The following SOBP variants were observed in gnomAD, a reference collection of about 807,000 sequenced individuals.
SOBP encodes the protein sine oculis-binding protein homolog.
Under a neutral mutation model 53.6 loss-of-function variants are expected in SOBP, and 4 were observed. The ratio of observed to expected loss-of-function variants is 0.07; its 90% CI spans 0.04 to 0.17. The LOEUF (loss-of-function observed/expected upper bound fraction) is 0.17. Ranked by LOEUF, SOBP falls within the 10% of genes least tolerant of loss-of-function variation. SOBP has a pLI of 1.00. For synonymous variants in SOBP, 584 were observed against 522.6 expected, an observed-to-expected ratio of 1.12 and a Z score of -1.60; for missense variants, 1,088 against 1,204.7, an observed-to-expected ratio of 0.90 and a Z score of 1.43.
chr6:107,490,738 G>A lies in SOBP; in HGVS notation c.96+26G>A, dbSNP rs1323472270. ...GTATTTTTTGATCTCGGGGGCCAGG[G>A]AGACTGAGCTCTTTCTTGCGCCCGC... is the stretch of plus-strand genomic sequence containing the variant. On this transcript the variant is annotated intron_variant, in intron 1 of 6. Transcript: ENST00000317357. The A allele has an allele frequency of 2.6e-6, 4 of 1,529,102 alleles. No homozygotes were observed. The Admixed American group carries it at 5.6e-5, about 21-fold the overall frequency. The allele number at this position is 1,529,102 out of a possible 1,614,324, so 94.7% of individuals were successfully genotyped here.
At position 107,490,579 on chromosome 6, in the gene SOBP, G is replaced by A. The variant is rs1782553269; in HGVS notation, c.-38G>A. ...GCCACCACCACCGCCGGCGGCGGCA[G>A]CAGCCATTTCATCTCCACAGAAACC... On this transcript the variant is annotated 5_prime_UTR_variant, in exon 1 of 7. Transcript: ENST00000317357. 2.6e-6 allele frequency: 4 copies of A among 1,511,948 alleles called. No homozygotes were observed. In the African/African-American group the frequency reaches 5.5e-5, roughly 21 times the overall value. 93.7% of individuals were successfully genotyped at this position (1,511,948 alleles called of 1,614,324 possible).
intron 4 of SOBP, among the ~76,000 whole-genome samples, chr6:107,586,053 C>G (rs1785556306): frequency 6.6e-6 from 1 of 152,218 alleles, no homozygotes; most frequent in Admixed American, 6.5e-5. Flanking sequence ...GAACTACCTG[C>G]TGCTTCCTGT....
chr6:107,658,373 A>G lies in SOBP; in HGVS notation c.*170A>G, dbSNP rs1022651126. 1 of 152,682 alleles carries G rather than the reference A, an allele frequency of 6.5e-6. No homozygotes were observed. Among genetic ancestry groups the G allele is most frequent in the Admixed American group, 6.5e-5 (1 of 15,282 alleles). The allele number at this position is 152,682 out of a possible 1,614,324, so 9.5% of individuals were successfully genotyped here. ...TCTCAGAGGAAGCAGCCCTCCCTCGATGGCCTCTAGCCCAGAGAAGCCCGC... is the reference window on the plus strand; with the variant it reads ...TCTCAGAGGAAGCAGCCCTCCCTCGGTGGCCTCTAGCCCAGAGAAGCCCGC... On this transcript the variant is annotated 3_prime_UTR_variant, in exon 7 of 7. Coordinates refer to ENST00000317357, the MANE Select transcript of SOBP (RefSeq NM_018013.4).
chr6:107,510,260 C>T (rs940190389), intron 3 of SOBP, among the ~76,000 whole-genome samples: 1 of 152,090 alleles, frequency 6.6e-6, no homozygotes, highest in Non-Finnish European at 1.5e-5. Context: ...GTGTGGCCCA[C>T]GGACATAATT....
chr6:107,508,315 A>G (rs993118751), intron 3 of SOBP, among the ~76,000 whole-genome samples: 8 of 152,170 alleles, frequency 5.3e-5, no homozygotes, highest in Non-Finnish European at 1.2e-4. Context: ...TCAGCCTGGC[A>G]CACCTGTAAT....
chr6:107,617,512 T>G (rs1786836823), intron 5 of SOBP, among the ~76,000 whole-genome samples: 1 of 152,240 alleles, frequency 6.6e-6, no homozygotes, highest in South Asian at 2.1e-4. Flanking sequence ...GTTGTCTTTC[T>G]CAGTGTGACT....
intron 3 of SOBP, among the ~76,000 whole-genome samples, chr6:107,531,573 A>G (rs1783825447): frequency 6.6e-6 from 1 of 152,124 alleles, no homozygotes; most frequent in African/African-American, 2.4e-5. Context: ...GAGATGCCAT[A>G]TTAGAGATCA....
chr6:107,561,225 T>A (rs1486666185), intron 4 of SOBP, among the ~76,000 whole-genome samples: 2 of 152,168 alleles, frequency 1.3e-5, no homozygotes, highest in Admixed American at 1.3e-4. Flanking sequence ...GCTAAACTTG[T>A]ACTGGAAAAC....
chr6:107,648,442 G>T (rs1771653278), intron 6 of SOBP, among the ~76,000 whole-genome samples: 1 of 152,120 alleles, frequency 6.6e-6, no homozygotes, highest in Non-Finnish European at 1.5e-5. Context: ...GGAGAGGGGA[G>T]CAGAGCTGTG....
In SOBP at chr6:107,644,587, A is replaced by G. The variant is rs1583306767; in HGVS notation, c.*3+9118A>G. Among the ~76,000 whole-genome samples the G allele has an allele frequency of 2.6e-5, 4 of 152,304 alleles. No homozygotes were observed. The East Asian group carries it at 7.7e-4, about 29-fold the overall frequency. The stretch of plus-strand genomic sequence containing the variant: ...TTAAGCTTTGGAGGTTATAAATTTC[A>G]AAGTGATCACAGGCCCCTGGGGCTC... On this transcript the variant is annotated intron_variant, in intron 6 of 6. Coordinates refer to ENST00000317357, the MANE Select transcript of SOBP (RefSeq NM_018013.4).
intron 5 of SOBP, among the ~76,000 whole-genome samples, chr6:107,602,921 A>T (rs1035207716): frequency 6.6e-6 from 1 of 151,954 alleles, no homozygotes. Flanking sequence ...CTTCTTCACA[A>T]TATTCTTCTG....
chr6:107,538,607 GT>G (rs979770810), intron 4 of SOBP, among the ~76,000 whole-genome samples: 7 of 152,146 alleles, frequency 4.6e-5, no homozygotes, highest in Admixed American at 1.3e-4. Flanking sequence ...TGATTGCTTG[GT>G]TTTGCAGTGT....
In SOBP at chr6:107,550,185, G is replaced by T. The variant is rs188332720; in HGVS notation, c.573+16575G>T. On this transcript the variant is annotated intron_variant, in intron 4 of 6. Transcript: ENST00000317357. ...GGACCAGGATACTGGAATAGTGTGG[G>T]TAGTGAAAGGCCAGAGAGAAGCATA... Among the ~76,000 whole-genome samples the T allele has an allele frequency of 1.6e-3, 239 of 152,316 alleles. 2 individuals are homozygous for T. The highest frequency in any genetic ancestry group is 5.6e-3 in the African/African-American group (231 of 41,570).
intron 6 of SOBP, among the ~76,000 whole-genome samples, chr6:107,656,200 T>G (rs1443541084): frequency 6.6e-6 from 1 of 152,152 alleles, no homozygotes; most frequent in Non-Finnish European, 1.5e-5. Context: ...CTCCTCAATT[T>G]TTGTGGCCTC....
At chr6:107,628,385 G>A (rs964408201) in intron 5 of SOBP, among the ~76,000 whole-genome samples, 1 of 152,118 alleles carries the variant, frequency 6.6e-6, no homozygotes, top group African/African-American at 2.4e-5. Flanking sequence ...GCAAGGTGGG[G>A]GCTGGTATCT....
intron 1 of SOBP, among the ~76,000 whole-genome samples, chr6:107,496,592 G>T (rs1192848335): frequency 6.6e-6 from 1 of 152,134 alleles, no homozygotes; most frequent in Non-Finnish European, 1.5e-5. Context: ...TCATTGTGTT[G>T]TGGCTAAGAG....
Position 107,602,133 on chromosome 6 carries a change from C to T in SOBP, c.669+14958C>T, listed in dbSNP as rs533232636. ...CCTAAATTAAGATGAGAGCAATTTC[C>T]ATTAACTTTTTGAGTCACATCTAGT... On this transcript the variant is annotated intron_variant, in intron 5 of 6. Transcript: ENST00000317357. 3.2e-3 allele frequency among the ~76,000 whole-genome samples: 487 copies of T among 152,248 alleles called. 3 individuals are homozygous for T. Among genetic ancestry groups the T allele is most frequent in the Non-Finnish European group, 4.9e-3 (336 of 68,024 alleles).
At chr6:107,500,024 A>G (rs1219961179) in intron 1 of SOBP, among the ~76,000 whole-genome samples, 1 of 152,218 alleles carries the variant, frequency 6.6e-6, no homozygotes, top group African/African-American at 2.4e-5. Context: ...CTGAAAAGTA[A>G]CTGTTGGAAT....
intron 1 of SOBP, among the ~76,000 whole-genome samples, chr6:107,503,202 G>A (rs1782889569): frequency 6.6e-6 from 1 of 152,218 alleles, no homozygotes; most frequent in Non-Finnish European, 1.5e-5. Flanking sequence ...CGCGATAAGA[G>A]TTATCTTAAG....
Sources: allele counts gnomAD v4.1 joint callset (sites outside exome capture counted in the v4.1 genomes callset), GRCh38; gene constraint gnomAD v4.1.1; transcripts MANE v1.5; gene names NCBI Gene and HGNC (gene_info 2026-07-23, HGNC 2026-07-21).